The following ZMIZ1 variants were observed in gnomAD, a reference collection of about 807,000 sequenced individuals.
ZMIZ1 encodes the protein zinc finger MIZ domain-containing protein 1.
Under a neutral mutation model 113.9 loss-of-function variants are expected in ZMIZ1, and 17 were observed. The ratio of observed to expected loss-of-function variants is 0.15; its 90% confidence interval spans 0.10 to 0.22. ZMIZ1 has a LOEUF of 0.22. ZMIZ1 is among the 10% of genes least tolerant of loss of function. The pLI, the probability that ZMIZ1 is intolerant of heterozygous loss-of-function variation, is 1.00. For synonymous variants in ZMIZ1, 607 were observed against 603.1 expected (o/e 1.01, Z -0.09); for missense variants, 1,059 against 1,477.8 (o/e 0.72, Z 4.65).
rs1194308304 is a variant in ZMIZ1 at position 79,118,791 on chromosome 10, G to A, written c.-336-124G>A. 17 of 152,348 alleles carry A rather than the reference G, an allele frequency of 1.1e-4. No individual in the cohort carries two copies. Among genetic ancestry groups the A allele is most frequent in the Non-Finnish European group, 1.5e-4 (10 of 68,128 alleles). The allele number at this position is 152,348 out of a possible 1,614,324, so 9.4% of individuals were successfully genotyped here. A position where few individuals can be genotyped will look rare whatever the true frequency, so the allele number is the denominator to read the frequency against. ...TATCCAGTGTCTCGAGTAGCTCCAC[G>A]TTGGTGGGCCAGTTCCATCTTCCAG... On this transcript the variant is annotated intron_variant, in intron 1 of 24. Transcript: ENST00000334512. The surrounding 1 kb of genome is among the most constrained non-coding windows in gnomAD (Gnocchi z 4.1).
At chr10:79,089,754 C>A (rs1842932621) in intron 1 of ZMIZ1, among the ~76,000 whole-genome samples, 1 of 152,122 alleles carries the variant, frequency 6.6e-6, no homozygotes, top group Non-Finnish European at 1.5e-5. Flanking sequence ...AGTCCTACCA[C>A]CTCCTTTGTC....
In ZMIZ1 at chr10:79,313,565, C is replaced by T. The variant is rs529214278; in HGVS notation, c.*816C>T. 1.4e-4 allele frequency: 28 copies of T among 199,472 alleles called. No individual in the cohort carries two copies. Among genetic ancestry groups the T allele is most frequent in the African/African-American group, 5.9e-4 (25 of 42,408 alleles). 12.4% of individuals were successfully genotyped at this position (199,472 alleles called of 1,614,324 possible). ...GGGAACAGAGAGAGCAGGTGTACAC[C>T]CAACCAAAGTGATTGTGCCCTTGGT... On this transcript the variant is annotated 3_prime_UTR_variant, in exon 25 of 25. Transcript: ENST00000334512.
chr10:79,139,337 C>G (rs895393042), intron 2 of ZMIZ1, among the ~76,000 whole-genome samples: 5 of 152,218 alleles, frequency 3.3e-5, no homozygotes, highest in African/African-American at 1.2e-4. Context: ...ATACCCCCGA[C>G]AGCTTCTCCC....
Position 79,211,937 on chromosome 10 carries a change from C to T in ZMIZ1, c.174+3488C>T, listed in dbSNP as rs892086332. ...CTCTCCTTCATCTCCCCAATGAGGA[C>T]GCCCTGCAGCTTCAGAGGAGGTCAG... On this transcript the variant is annotated intron_variant, in intron 6 of 24. Coordinates refer to ENST00000334512, the MANE Select transcript of ZMIZ1 (RefSeq NM_020338.4). 6.6e-5 allele frequency among the ~76,000 whole-genome samples: 10 copies of T among 152,340 alleles called. No homozygotes were observed. The East Asian group carries it at 1.2e-3, about 18-fold the overall frequency.
chr10:79,270,675 G>A lies in ZMIZ1; in HGVS notation c.281-6506G>A, dbSNP rs571169465. Among the ~76,000 whole-genome samples the A allele has an allele frequency of 5.3e-5, 8 of 152,288 alleles. No individual in the cohort carries two copies. The East Asian group carries it at 1.5e-3, about 29-fold the overall frequency. ...GCTACAAAGACTAGCATAGGCAACA[G>A]GAGCATGAGGTCAACTGTCGCTTCT... On this transcript the variant is annotated intron_variant, in intron 7 of 24. Coordinates refer to ENST00000334512, the MANE Select transcript of ZMIZ1 (RefSeq NM_020338.4).
rs10573955 is a variant in ZMIZ1 at position 79,157,368 on chromosome 10, GGTGTGTGTGTGT to G, written c.-130-4661_-130-4650del. On this transcript the variant is annotated intron_variant, in intron 3 of 24. Coordinates refer to ENST00000334512, the MANE Select transcript of ZMIZ1 (RefSeq NM_020338.4). Reference sequence around the variant, plus strand: ...AATGGTTCTCTCTGCAGGCATAAGGGGTGTGTGTGTGTGTGTGTGTGTGTGTGTGTGTGTGGT... The same window carrying G: ...AATGGTTCTCTCTGCAGGCATAAGGGGTGTGTGTGTGTGTGTGTGTGTGGT... Among the ~76,000 whole-genome samples the G allele has an allele frequency of 8.3e-3, 1,228 of 147,698 alleles. 15 individuals are homozygous for G. Among genetic ancestry groups the G allele is most frequent in the African/African-American group, 0.012 (500 of 40,010 alleles).
chr10:79,180,312 C>T lies in ZMIZ1; in HGVS notation c.-50+18179C>T, dbSNP rs545325553. ...CCCTCCTTAAAGAGGCTGGGTCCCC[C>T]AGTGTCTACTAGGACACTATGAGTG... On this transcript the variant is annotated intron_variant, in intron 4 of 24. Coordinates refer to ENST00000334512, the MANE Select transcript of ZMIZ1 (RefSeq NM_020338.4). Among the ~76,000 whole-genome samples the T allele has an allele frequency of 2.0e-4, 30 of 152,302 alleles. 1 individual carries two copies. The South Asian group carries it at 6.2e-3, about 32-fold the overall frequency.
chr10:79,143,098 A>G (rs547414728), intron 3 of ZMIZ1, among the ~76,000 whole-genome samples: 34 of 152,106 alleles, frequency 2.2e-4, no homozygotes, highest in Admixed American at 7.8e-4. Flanking sequence ...TGCAAACATC[A>G]GCAGTGCCCC....
At position 79,265,346 on chromosome 10, in the gene ZMIZ1, A is replaced by G. The variant is rs1189303799; in HGVS notation, c.281-11835A>G. 5.3e-5 allele frequency among the ~76,000 whole-genome samples: 8 copies of G among 152,060 alleles called. No individual in the cohort carries two copies. In the East Asian group the frequency reaches 5.8e-4, roughly 11 times the overall value. ...GATCCCAGGCCACCTGCACCACCCA[A>G]CTAGCCAGTCCTCCCTATGCACAGG... On this transcript the variant is annotated intron_variant, in intron 7 of 24. Coordinates refer to ENST00000334512, the MANE Select transcript of ZMIZ1 (RefSeq NM_020338.4).
intron 5 of ZMIZ1, among the ~76,000 whole-genome samples, chr10:79,202,283 A>C (rs1001610383): frequency 4.0e-5 from 6 of 151,016 alleles, no homozygotes; most frequent in African/African-American, 1.5e-4. Flanking sequence ...AAAATTTAAA[A>C]ATATTTACTA....
intron 10 of ZMIZ1, 91 bp downstream of exon 10, chr10:79,291,267 G>C (rs1411495183): frequency 2.2e-5 from 31 of 1,386,826 alleles, no homozygotes; most frequent in Non-Finnish European, 2.5e-5. Flanking sequence ...CCAGCTCCAC[G>C]CTTTCTGCCC....
chr10:79,267,336 T>A (rs979666191), intron 7 of ZMIZ1, among the ~76,000 whole-genome samples: 2 of 152,190 alleles, frequency 1.3e-5, no homozygotes, highest in Non-Finnish European at 2.9e-5. Context: ...TGAAAGAAAT[T>A]GTATTTTATT....
chr10:79,236,747 G>A (rs1849607322), intron 7 of ZMIZ1, among the ~76,000 whole-genome samples: 1 of 152,166 alleles, frequency 6.6e-6, no homozygotes, highest in African/African-American at 2.4e-5. Flanking sequence ...ATTGTTCACT[G>A]TGCATTCAAT....
rs10648318 is a variant in ZMIZ1, at chr10:79,197,595, T to TACACACACACACACACACACAC, written c.-49-3974_-49-3973insCACACACACACACACACACACA. On this transcript the variant is annotated intron_variant, in intron 4 of 24. Transcript: ENST00000334512. ...ATTACGCCCCTGCCAACCCAGACCA[T>TACACACACACACACACACACAC]ACACACACACACACATACACACACA... Among the ~76,000 whole-genome samples, 32 of 136,858 alleles carry TACACACACACACACACACACAC rather than the reference T, an allele frequency of 2.3e-4. 1 individual carries two copies. The highest frequency in any genetic ancestry group is 7.0e-4 in the East Asian group (3 of 4,316). 89.8% of individuals were successfully genotyped at this position (136,858 alleles called of 152,430 possible).
At chr10:79,125,580 G>T (rs1844478004) in intron 2 of ZMIZ1, among the ~76,000 whole-genome samples, 1 of 152,152 alleles carries the variant, frequency 6.6e-6, no homozygotes, top group East Asian at 1.9e-4. Context: ...TCTCTTTCTG[G>T]TTCATGAGCC....
At chr10:79,292,761 C>G in intron 11 of ZMIZ1, 1 of 468,308 alleles carries the variant, frequency 2.1e-6, no homozygotes, top group African/African-American at 2.0e-5. Context: ...CCTAGTCACC[C>G]TATCTGTGGG....
rs192779471 is a variant in ZMIZ1 at position 79,301,047 on chromosome 10, C to T, written c.2019+105C>T. On this transcript the variant is annotated intron_variant, in intron 17 of 24. Coordinates refer to ENST00000334512, the MANE Select transcript of ZMIZ1 (RefSeq NM_020338.4). Reference sequence around the variant, plus strand: ...ACTCTGGTCCTCAGCCTTGTCCCTGCGTCACCACCCCCGTGCCCACAGCCG... The same window carrying T: ...ACTCTGGTCCTCAGCCTTGTCCCTGTGTCACCACCCCCGTGCCCACAGCCG... 117 of 1,471,826 alleles carry T rather than the reference C, an allele frequency of 7.9e-5. No homozygotes were observed. In the East Asian group the frequency reaches 2.2e-3, roughly 28 times the overall value. 91.2% of individuals were successfully genotyped at this position (1,471,826 alleles called of 1,614,324 possible). A position where few individuals can be genotyped will look rare whatever the true frequency, so the allele number is the denominator to read the frequency against.
intron 1 of ZMIZ1, among the ~76,000 whole-genome samples, chr10:79,090,036 A>G (rs761024331): frequency 4.6e-5 from 7 of 151,592 alleles, no homozygotes; most frequent in Non-Finnish European, 8.8e-5. Context: ...ACCAGGGACA[A>G]CCCCACCTCT....
At chr10:79,262,084 T>C (rs4980054) in intron 7 of ZMIZ1, among the ~76,000 whole-genome samples, 60,700 of 152,016 alleles carry the variant, frequency 0.4, 12,761 homozygotes, top group East Asian at 0.73. Flanking sequence ...CCTAAGAACT[T>C]GCTTATGTCC....
Sources: gnomAD v4.1 joint callset for allele counts (sites outside exome capture counted in the v4.1 genomes callset) on GRCh38, gnomAD v4.1.1 for gene constraint, Gnocchi (gnomAD v3.1) non-coding constraint, MANE v1.5 for transcripts, NCBI Gene and HGNC (gene_info 2026-07-23, HGNC 2026-07-21) for gene names.